The following PLEKHG1 variants were observed in gnomAD, a reference collection of about 807,000 sequenced individuals.
PLEKHG1 encodes pleckstrin homology domain-containing family G member 1.
Under a neutral mutation model 100.8 loss-of-function variants are expected in PLEKHG1, and 44 were observed. The observed-to-expected ratio is 0.44, with a 90% CI of 0.34 to 0.56. The LOEUF (loss-of-function observed/expected upper bound fraction) is 0.56. Ranked by LOEUF, PLEKHG1 falls within the 20% of genes least tolerant of loss-of-function variation. The probability of loss-of-function intolerance (pLI) is 0.01; values close to 1 mark genes in which losing one functional copy is unlikely to be tolerated. For missense variants in PLEKHG1, 1,545 were observed against 1,720.9 expected, an observed-to-expected ratio of 0.90 and a Z score of 1.81; for synonymous variants, 640 against 662.5, an observed-to-expected ratio of 0.97 and a Z score of 0.52.
chr6:150,633,017 A>T (rs1408404999), intron 1 of PLEKHG1: 1 of 152,136 alleles, frequency 6.6e-6, no homozygotes, highest in African/African-American at 2.4e-5. Flanking sequence ...GTGCTTTCTT[A>T]AAAGCCCCAT....
At chr6:150,701,461 ATAT>A (rs1562446570) in intron 3 of PLEKHG1, among the ~76,000 whole-genome samples, 2 of 85,546 alleles carry the variant, frequency 2.3e-5, no homozygotes, top group African/African-American at 2.3e-4. Flanking sequence ...ATATATATAT[ATAT>A]ATAATTATAC....
At chr6:150,766,685 C>T (rs532742872) in intron 2 of PLEKHG1, among the ~76,000 whole-genome samples, 12 of 152,306 alleles carry the variant, frequency 7.9e-5, no homozygotes, top group East Asian at 1.9e-4. Flanking sequence ...TTTGAGCTGG[C>T]GATGGGCCAT....
chr6:150,791,531 G>A (rs912998243), intron 4 of PLEKHG1, among the ~76,000 whole-genome samples: 1 of 152,014 alleles, frequency 6.6e-6, no homozygotes, highest in African/African-American at 2.4e-5. Flanking sequence ...TAGCTGGGCT[G>A]TAGTGGAACA....
intron 15 of PLEKHG1, among the ~76,000 whole-genome samples, chr6:150,838,109 C>T (rs946691007): frequency 3.3e-5 from 5 of 152,150 alleles, no homozygotes; most frequent in African/African-American, 1.2e-4. Context: ...TGACAAAACT[C>T]ACCTAAATGA....
rs188117019 is a variant in PLEKHG1 at position 150,644,386 on chromosome 6, G to A, written c.-158+6261G>A. On this transcript the variant is annotated intron_variant, in intron 2 of 3. Coordinates refer to the PLEKHG1 transcript ENST00000367326. ...GTCTCACTCTGTCACCCAGGCTGGA[G>A]TGCAGTGGCGCAATCTTGGCTCACT... Among the ~76,000 whole-genome samples, 122 of 137,864 alleles carry A rather than the reference G, an allele frequency of 8.8e-4. 1 individual carries two copies. The highest frequency in any genetic ancestry group is 3.3e-3 in the African/African-American group (117 of 35,270). The allele number at this position is 137,864 out of a possible 152,430, so 90.4% of individuals were successfully genotyped here. A position where few individuals can be genotyped will look rare whatever the true frequency, so the allele number is the denominator to read the frequency against.
chr6:150,827,958 G>C, intron 14 of PLEKHG1: 1 of 1,611,892 alleles, frequency 6.2e-7, no homozygotes, highest in Non-Finnish European at 8.5e-7. Flanking sequence ...GGAGATCTCA[G>C]GGAAGGATTA....
At chr6:150,601,303 A>G (rs1458752104) in intron 1 of PLEKHG1, among the ~76,000 whole-genome samples, 2 of 152,188 alleles carry the variant, frequency 1.3e-5, no homozygotes, top group Non-Finnish European at 2.9e-5. Context: ...CAAGCCCATC[A>G]TTTCAGGAGA....
At chr6:150,730,627 A>C (rs752901813) in intron 1 of PLEKHG1, among the ~76,000 whole-genome samples, 1 of 152,094 alleles carries the variant, frequency 6.6e-6, no homozygotes, top group Non-Finnish European at 1.5e-5. Context: ...ACTTGGCCAG[A>C]GGCAGTGGCT....
At chr6:150,641,802 G>C (rs923247690) in intron 2 of PLEKHG1, among the ~76,000 whole-genome samples, 1 of 134,830 alleles carries the variant, frequency 7.4e-6, no homozygotes, top group Non-Finnish European at 1.5e-5. Context: ...TAAAAACTCT[G>C]TGATATATTT....
intron 3 of PLEKHG1, among the ~76,000 whole-genome samples, chr6:150,682,354 G>A (rs1779964338): frequency 6.6e-6 from 1 of 152,084 alleles, no homozygotes; most frequent in African/African-American, 2.4e-5. Flanking sequence ...GGCCACATGA[G>A]AAACCAATGG....
intron 3 of PLEKHG1, among the ~76,000 whole-genome samples, chr6:150,781,430 A>G (rs1001789177): frequency 2.0e-5 from 3 of 151,556 alleles, no homozygotes; most frequent in African/African-American, 4.8e-5. Context: ...GCTTGAACCT[A>G]GGAAGCGGAG....
At chr6:150,712,610 C>T (rs974688928) in intron 3 of PLEKHG1, among the ~76,000 whole-genome samples, 4 of 152,258 alleles carry the variant, frequency 2.6e-5, no homozygotes, top group African/African-American at 9.6e-5. Flanking sequence ...CCCATTCAAC[C>T]TGCAGTGGAA....
At chr6:150,800,396 C>T (rs1273268501) in intron 5 of PLEKHG1, among the ~76,000 whole-genome samples, 4 of 152,162 alleles carry the variant, frequency 2.6e-5, no homozygotes, top group East Asian at 3.9e-4. Context: ...CCAGATTGGG[C>T]GCAGCTAGGG....
chr6:150,810,875 C>G (rs962390848), intron 10 of PLEKHG1, among the ~76,000 whole-genome samples: 1 of 151,582 alleles, frequency 6.6e-6, no homozygotes, highest in Non-Finnish European at 1.5e-5. Context: ...AAGCCGAGAT[C>G]GTGCCATTGC....
At chr6:150,694,691 C>G (rs1351526562) in intron 3 of PLEKHG1, among the ~76,000 whole-genome samples, 6 of 138,120 alleles carry the variant, frequency 4.3e-5, no homozygotes, top group Non-Finnish European at 7.6e-5. Flanking sequence ...CAGTGAGACT[C>G]TGTCTCAAAA....
intron 3 of PLEKHG1, chr6:150,686,923 A>G (rs1019606472): frequency 7.9e-5 from 12 of 152,634 alleles, no homozygotes; most frequent in African/African-American, 2.9e-4. Flanking sequence ...GGAGGAATCG[A>G]AGCTCTCCTC....
At chr6:150,603,829 C>T (rs1204093052) in intron 1 of PLEKHG1, among the ~76,000 whole-genome samples, 1 of 152,200 alleles carries the variant, frequency 6.6e-6, no homozygotes, top group African/African-American at 2.4e-5. Flanking sequence ...ATCCATAACT[C>T]TCCTCTTCTT....
At chr6:150,812,602 A>G (rs377445711) in intron 10 of PLEKHG1, among the ~76,000 whole-genome samples, 32 of 152,344 alleles carry the variant, frequency 2.1e-4, no homozygotes, top group African/African-American at 7.7e-4. Flanking sequence ...CGGAATGGGT[A>G]TAGACTTTTT....
At position 150,679,520 on chromosome 6, in the gene PLEKHG1, T is replaced by C. The variant is rs1053003950; in HGVS notation, c.-99+28734T>C. On this transcript the variant is annotated intron_variant, in intron 3 of 3. Transcript: ENST00000367326. Reference sequence around the variant, plus strand: ...AATGAGTTCATAATTACAGGCTTGCTTCTTTACCTAATTATAAGCAATAGC... The same window carrying C: ...AATGAGTTCATAATTACAGGCTTGCCTCTTTACCTAATTATAAGCAATAGC... Among the ~76,000 whole-genome samples the C allele has an allele frequency of 4.6e-5, 7 of 152,358 alleles. No homozygotes were observed. In the East Asian group the frequency reaches 1.4e-3, roughly 29 times the overall value.
Sources: gnomAD v4.1 joint callset for allele counts (sites outside exome capture counted in the v4.1 genomes callset) on GRCh38, gnomAD v4.1.1 for gene constraint, MANE v1.5 for transcripts, NCBI Gene and HGNC (gene_info 2026-07-23, HGNC 2026-07-21) for gene names.